SELENOO: variants seen among roughly 807,000 people sequenced by gnomAD.
The protein encoded by SELENOO is protein adenylyltransferase SelO, mitochondrial.
In SELENOO, 74 loss-of-function variants were observed where a neutral mutation model predicts 58.7. The ratio of observed to expected loss-of-function variants is 1.26; its 90% CI spans 1.04 to 1.53. SELENOO has a LOEUF of 1.53. SELENOO is among the 40% of genes most tolerant of loss of function. SELENOO has a pLI of 0.00. For synonymous variants in SELENOO, 543 were observed against 453.2 expected (o/e 1.20, Z -2.52); for missense variants, 1,149 against 970.0 (o/e 1.18, Z -2.45).
chr22:50,205,989 C>T (rs2064330370), intron 1 of SELENOO: 4 of 394,578 alleles, frequency 1.0e-5, no homozygotes, highest in Admixed American at 4.2e-5. Context: ...GCAGGGCTGC[C>T]CCAGGCCCTT....
At position 50,210,763 on chromosome 22, in the gene SELENOO, G is replaced by C. The variant is rs1169490883; in HGVS notation, c.1203G>C (p.Leu401=). 6.2e-7 allele frequency: 1 copy of C among 1,613,780 alleles called. No individual in the cohort carries two copies. The highest frequency in any genetic ancestry group is 1.7e-5 in the Admixed American group (1 of 60,036). The change falls in exon 5 of 9, where the codon CTG becomes CTC. Residue 401 remains leucine (L), a synonymous_variant. Coordinates refer to ENST00000380903, the MANE Select transcript of SELENOO (RefSeq NM_031454.2). Reference sequence around the variant, plus strand: ...TGCAGCCGGAACTGCCCCTGGAGCTGGGGGAGGCCATCCTGGCCGAGGAGT... The same window carrying C: ...TGCAGCCGGAACTGCCCCTGGAGCTCGGGGAGGCCATCCTGGCCGAGGAGT... ...EALQPELPLE[L]GEAILAEEFD...
Position 50,201,444 on chromosome 22 carries a change from C to T in SELENOO, c.408C>T (p.Ala136=), listed in dbSNP as rs969755027. ...GNALLPGAEP[A]AHCYCGHQFG... ...CGCTCCTGCCGGGCGCCGAGCCCGC[C>T]GCGCACTGCTACTGCGGCCACCAAT... The change falls in exon 1 of 9, where the codon GCC becomes GCT. Residue 136 remains alanine, a synonymous_variant. Transcript: ENST00000380903. 1 of 1,393,822 alleles carries T rather than the reference C, an allele frequency of 7.2e-7. No homozygotes were observed. Among genetic ancestry groups the T allele is most frequent in the Non-Finnish European group, 9.4e-7 (1 of 1,068,744 alleles). 86.3% of individuals were successfully genotyped at this position (1,393,822 alleles called of 1,614,324 possible).
intron 3 of SELENOO, 112 bp downstream of exon 3, chr22:50,208,828 G>A (rs560668160): frequency 4.4e-5 from 46 of 1,055,750 alleles, no homozygotes; most frequent in South Asian, 1.2e-4. Flanking sequence ...CAGCCTCCCC[G>A]CCCTTCTCTG....
At chr22:50,213,127 C>G (rs778451027) in intron 5 of SELENOO, among the ~76,000 whole-genome samples, 5 of 152,134 alleles carry the variant, frequency 3.3e-5, no homozygotes, top group African/African-American at 4.8e-5. Flanking sequence ...GTGGCATGAT[C>G]TTGGCTCACT....
chr22:50,206,226 C>A, intron 1 of SELENOO, 91 bp from the exon 2 acceptor site: 1 of 1,138,636 alleles, frequency 8.8e-7, no homozygotes, highest in South Asian at 1.3e-5. Context: ...TCACGTTACA[C>A]GCGTTCCCTC....
rs1294819095 is a variant in SELENOO, at chr22:50,201,268, C to G, written c.232C>G (p.Pro78Ala). ...EGAPSAPRPV[P>A]GACFTRVQPT... is the part of the protein sequence containing the mutation. The stretch of plus-strand genomic sequence containing the variant: ...CGCCCCGTCCGCGCCGCGGCCCGTG[C>G]CCGGGGCCTGCTTCACCCGCGTGCA... The change falls in exon 1 of 9, where the codon CCC becomes GCC. Residue 78 changes from proline (P) to alanine (A), a missense_variant. By Grantham distance (27) the Pro-to-Ala change is conservative. Transcript: ENST00000380903. 9.3e-7 allele frequency: 1 copy of G among 1,070,816 alleles called. No individual in the cohort carries two copies. The allele number at this position is 1,070,816 out of a possible 1,614,324, so 66.3% of individuals were successfully genotyped here. A position where few individuals can be genotyped will look rare whatever the true frequency, so the allele number is the denominator to read the frequency against.
At chr22:50,203,525 CAT>C (rs1189197826) in intron 1 of SELENOO, among the ~76,000 whole-genome samples, 5 of 152,210 alleles carry the variant, frequency 3.3e-5, no homozygotes, top group African/African-American at 1.2e-4. Context: ...TAAGGATAGA[CAT>C]AGACCAGTGG....
In SELENOO at chr22:50,208,536, GTTTGGATCC is replaced by G. The variant is rs2064347353; in HGVS notation, c.764_772del (p.Gly255_Phe257del). On this transcript the variant is annotated inframe_deletion and splice_region_variant, in exon 3 of 9. Transcript: ENST00000380903. ...TTGACGCCTCGGGTCTTCCCTCCAG[GTTTGGATCC>G]TTTGAGATTTTTAAGTCTGCAGATG... The G allele has an allele frequency of 5.0e-6, 8 of 1,612,790 alleles. No individual in the cohort carries two copies. The highest frequency in any genetic ancestry group is 6.8e-6 in the Non-Finnish European group (8 of 1,179,252).
intron 2 of SELENOO, 71 bp downstream of exon 2, chr22:50,206,591 G>A: frequency 7.2e-7 from 1 of 1,379,322 alleles, no homozygotes. Flanking sequence ...GGCCTGTGCT[G>A]CTAGGATTCT....
At chr22:50,203,188 A>G (rs1005060644) in intron 1 of SELENOO, among the ~76,000 whole-genome samples, 4 of 152,218 alleles carry the variant, frequency 2.6e-5, no homozygotes, top group Admixed American at 6.5e-5. Flanking sequence ...AGCCTGGGAA[A>G]CAGCAAGACC....
chr22:50,204,761 CAT>C (rs1217753013), intron 1 of SELENOO, among the ~76,000 whole-genome samples: 2 of 152,252 alleles, frequency 1.3e-5, no homozygotes, highest in African/African-American at 4.8e-5. Flanking sequence ...TAAATCACCA[CAT>C]GATTCAGCAG....
Position 50,208,674 on chromosome 22 carries a change from T to C in SELENOO, c.897T>C (p.His299=), listed in dbSNP as rs2147161266. Residue 299 remains histidine, a synonymous_variant, in exon 3 of 9, where the codon CAT becomes CAC. Coordinates refer to ENST00000380903, the MANE Select transcript of SELENOO (RefSeq NM_031454.2). ...TTTACCCCGAGATCCAGGCTGCTCA[T>C]GCCAGCGACAGCGTGCAGAGAAATG... ...SSFYPEIQAA[H]ASDSVQRNAA... 3 of 1,613,628 alleles carry C rather than the reference T, an allele frequency of 1.9e-6. No homozygotes were observed. The highest frequency in any genetic ancestry group is 2.5e-6 in the Non-Finnish European group (3 of 1,179,962).
Position 50,210,671 on chromosome 22 carries a change from G to T in SELENOO, c.1111G>T (p.Gly371Cys). The T allele has an allele frequency of 6.2e-7, 1 of 1,613,106 alleles. No individual in the cohort carries two copies. The highest frequency in any genetic ancestry group is 8.5e-7 in the Non-Finnish European group (1 of 1,179,924). ...CGTGTGCAATGCCTCCGACAACACC[G>T]GCCGCTACGCGTACAGCAAGCAGCC... ...DHVCNASDNTGRYAYSKQPEV... is the reference protein window; with the variant it reads ...DHVCNASDNTCRYAYSKQPEV... The change falls in exon 5 of 9, where the codon GGC becomes TGC. Residue 371 changes from glycine (G) to cysteine (C), a missense_variant. Transcript: ENST00000380903.
chr22:50,213,256 T>C (rs869195805), intron 5 of SELENOO, among the ~76,000 whole-genome samples: 31 of 151,948 alleles, frequency 2.0e-4, no homozygotes, highest in South Asian at 1.0e-3. Flanking sequence ...AGATGGGGCT[T>C]CACCATGTTG....
intron 1 of SELENOO, among the ~76,000 whole-genome samples, chr22:50,204,100 C>A (rs1190283789): frequency 6.6e-6 from 1 of 152,216 alleles, no homozygotes; most frequent in Non-Finnish European, 1.5e-5. Flanking sequence ...CGCTCAACGT[C>A]ATCAATCATT....
intron 2 of SELENOO, among the ~76,000 whole-genome samples, chr22:50,206,741 CAGTT>C (rs573608532): frequency 1.1e-4 from 17 of 152,348 alleles, no homozygotes; most frequent in East Asian, 3.9e-4. Flanking sequence ...ATTTGGTACT[CAGTT>C]AGGACACTTG....
Position 50,216,819 on chromosome 22 carries a change from C to T in SELENOO, c.1631C>T (p.Ala544Val), listed in dbSNP as rs537037852. 1.2e-5 allele frequency: 19 copies of T among 1,608,324 alleles called. No homozygotes were observed. Among genetic ancestry groups the T allele is most frequent in the South Asian group, 3.3e-5 (3 of 90,982 alleles). ...EQQSRLEQLSAAELQSRNQGH... is the reference protein window; with the variant it reads ...EQQSRLEQLSVAELQSRNQGH... ...CAGTCTCGGCTGGAGCAGCTGAGTG[C>T]GGCAGAGCTGCAGAGCAGGAACCAG... is the stretch of plus-strand genomic sequence containing the variant. The change falls in exon 7 of 9, where the codon GCG (alanine) becomes GTG (valine). Residue 544 changes from alanine (A) to valine (V), a missense_variant. Transcript: ENST00000380903.
chr22:50,206,365 A>G lies in SELENOO; in HGVS notation c.603A>G (p.Leu201=), dbSNP rs763321464. The G allele has an allele frequency of 7.4e-6, 12 of 1,613,976 alleles. No homozygotes were observed. Among genetic ancestry groups the G allele is most frequent in the African/African-American group, 4.0e-5 (3 of 74,920 alleles). The change falls in exon 2 of 9, where the codon CTA becomes CTG. Residue 201 remains leucine (L), a synonymous_variant. Coordinates refer to ENST00000380903, the MANE Select transcript of SELENOO (RefSeq NM_031454.2). ...KVLRSSIREF[L]CSEAMFHLGV... is the part of the protein sequence containing the mutation. ...TACGGTCAAGCATCCGGGAGTTTCT[A>G]TGCAGCGAAGCCATGTTCCACCTGG...
chr22:50,210,409 G>A (rs2064360854), intron 4 of SELENOO, 98 bp downstream of exon 4: 4 of 1,492,462 alleles, frequency 2.7e-6, no homozygotes, highest in Non-Finnish European at 3.6e-6. Flanking sequence ...CGTGATGCTT[G>A]AGGGGGAGCC....
Sources: gnomAD v4.1 joint callset for allele counts (sites outside exome capture counted in the v4.1 genomes callset) on GRCh38, gnomAD v4.1.1 for gene constraint, MANE v1.5 for transcripts, NCBI Gene and HGNC (gene_info 2026-07-23, HGNC 2026-07-21) for gene names.